The following GRID2 variants were observed in gnomAD, a reference collection of about 807,000 sequenced individuals.
The protein encoded by GRID2 is glutamate ionotropic receptor delta type subunit 2.
GRID2 carries 33 observed loss-of-function variants against 114.8 expected under a neutral mutation model. The observed-to-expected ratio is 0.29, with a 90% CI of 0.22 to 0.38. The LOEUF (loss-of-function observed/expected upper bound fraction) is 0.38, where lower values mean the gene tolerates loss of function less well. Ranked by LOEUF, GRID2 falls within the 10% of genes least tolerant of loss-of-function variation. The pLI is 1.00. For synonymous variants in GRID2, 505 were observed against 449.9 expected (o/e 1.12, Z -1.55); for missense variants, 1,184 against 1,257.7 (o/e 0.94, Z 0.89).
chr4:93,066,558 A>C (rs1349012712), intron 2 of GRID2, among the ~76,000 whole-genome samples: 1 of 152,012 alleles, frequency 6.6e-6, no homozygotes, highest in East Asian at 1.9e-4. Flanking sequence ...TAGACGACTG[A>C]AACTATAGAT....
At chr4:93,802,391 T>A (rs910806360) in intron 1 of GRID2, among the ~76,000 whole-genome samples, 3 of 151,778 alleles carry the variant, frequency 2.0e-5, no homozygotes, top group African/African-American at 7.3e-5. Context: ...TGTGTGTGTG[T>A]GTGAGTGTGT....
chr4:92,535,384 C>T (rs1399077848), intron 1 of GRID2, among the ~76,000 whole-genome samples: 1 of 152,052 alleles, frequency 6.6e-6, no homozygotes, highest in African/African-American at 2.4e-5. Context: ...ATGATTAATG[C>T]AATCCTTAAA....
chr4:93,246,337 C>T (rs1002990555), intron 8 of GRID2, among the ~76,000 whole-genome samples: 2 of 152,020 alleles, frequency 1.3e-5, no homozygotes, highest in African/African-American at 2.4e-5. Context: ...CCTGTAATCC[C>T]ATCACTTTGG....
chr4:93,021,582 A>T (rs1205754324), intron 2 of GRID2, among the ~76,000 whole-genome samples: 1 of 145,942 alleles, frequency 6.9e-6, no homozygotes, highest in Admixed American at 6.9e-5. Context: ...TATATATTAT[A>T]TAATTTTTAT....
At chr4:93,686,107 T>C (rs1726053600) in intron 14 of GRID2, among the ~76,000 whole-genome samples, 1 of 151,958 alleles carries the variant, frequency 6.6e-6, no homozygotes, top group Non-Finnish European at 1.5e-5. Flanking sequence ...AAAAATGAAC[T>C]CTCTGTCTCT....
intron 13 of GRID2, among the ~76,000 whole-genome samples, chr4:93,537,992 C>T (rs781604526): frequency 6.6e-6 from 1 of 151,642 alleles, no homozygotes; most frequent in Non-Finnish European, 1.5e-5. Flanking sequence ...AATATTTCTG[C>T]AACGTGAAAC....
Position 93,717,970 on chromosome 4 carries a change from A to G in GRID2, c.2361-51240A>G, listed in dbSNP as rs561799297. On this transcript the variant is annotated intron_variant, in intron 14 of 15. Coordinates refer to ENST00000282020, the MANE Select transcript of GRID2 (RefSeq NM_001510.4). ...ATGATGTTGTTAAGATGTAGTACAA[A>G]GTGGGCTGGGTGCGGTGACTTACGC... 2.0e-5 allele frequency among the ~76,000 whole-genome samples: 3 copies of G among 152,288 alleles called. 1 individual carries two copies. Among genetic ancestry groups the G allele is most frequent in the African/African-American group, 7.2e-5 (3 of 41,572 alleles).
In GRID2 at chr4:92,733,806, T is replaced by C. The variant is rs189675702; in HGVS notation, c.244+143520T>C. ...CCTTTAAAACTGGTGTGATTACTGG[T>C]GTAGCTACCACCAAGCCTGAGAATG... On this transcript the variant is annotated intron_variant, in intron 2 of 15. Coordinates refer to ENST00000282020, the MANE Select transcript of GRID2 (RefSeq NM_001510.4). Among the ~76,000 whole-genome samples the C allele has an allele frequency of 4.3e-3, 648 of 152,150 alleles. 4 individuals are homozygous for C. Among genetic ancestry groups the C allele is most frequent in the African/African-American group, 0.015 (603 of 41,500 alleles).
intron 1 of GRID2, among the ~76,000 whole-genome samples, chr4:92,362,723 AT>A (rs1728675943): frequency 6.6e-6 from 1 of 152,082 alleles, no homozygotes; most frequent in Non-Finnish European, 1.5e-5. Context: ...GAAGTTTTAA[AT>A]CAAAACAAGA....
At chr4:93,364,040 A>G (rs936824172) in intron 8 of GRID2, among the ~76,000 whole-genome samples, 1 of 152,044 alleles carries the variant, frequency 6.6e-6, no homozygotes, top group Non-Finnish European at 1.5e-5. Context: ...TGTTGTATTC[A>G]TTGTAGTTTG....
chr4:92,931,279 A>G (rs1205546302), intron 2 of GRID2, among the ~76,000 whole-genome samples: 1 of 151,018 alleles, frequency 6.6e-6, no homozygotes, highest in Non-Finnish European at 1.5e-5. Flanking sequence ...AAAGCCTGAC[A>G]TGACACTCAT....
intron 2 of GRID2, among the ~76,000 whole-genome samples, chr4:92,649,308 TGAGAA>T (rs1485305827): frequency 1.3e-5 from 2 of 149,684 alleles, no homozygotes; most frequent in African/African-American, 4.9e-5. Flanking sequence ...TTTGAAGGCT[TGAGAA>T]CCAGACGAGG....
intron 2 of GRID2, among the ~76,000 whole-genome samples, chr4:92,656,165 AAGGGTTTCCTT>A (rs2149265606): frequency 6.6e-6 from 1 of 151,872 alleles, no homozygotes; most frequent in Admixed American, 6.6e-5. Flanking sequence ...AAGAGTATAC[AAGGGTTTCCTT>A]ATCTGTACAT....
chr4:92,314,336 C>T (rs1391581715), intron 1 of GRID2, among the ~76,000 whole-genome samples: 3 of 152,068 alleles, frequency 2.0e-5, no homozygotes, highest in Non-Finnish European at 2.9e-5. Context: ...TCCAGGAACA[C>T]ACAATATTTC....
At chr4:92,958,869 T>A (rs998381469) in intron 2 of GRID2, among the ~76,000 whole-genome samples, 1 of 152,006 alleles carries the variant, frequency 6.6e-6, no homozygotes, top group African/African-American at 2.4e-5. Flanking sequence ...CTATTCAGAT[T>A]GCCATTTCTT....
At chr4:92,597,435 T>G (rs1270899102) in intron 2 of GRID2, among the ~76,000 whole-genome samples, 2 of 152,192 alleles carry the variant, frequency 1.3e-5, no homozygotes, top group African/African-American at 4.8e-5. Context: ...ATCATAATTT[T>G]ATAGCCTTTG....
chr4:92,956,731 C>T (rs1317578753), intron 2 of GRID2, among the ~76,000 whole-genome samples: 4 of 152,134 alleles, frequency 2.6e-5, no homozygotes, highest in Non-Finnish European at 5.9e-5. Flanking sequence ...TAAGAAGCTG[C>T]CTGTTTTTCA....
At chr4:93,047,440 G>A (rs1726256955) in intron 2 of GRID2, among the ~76,000 whole-genome samples, 1 of 152,030 alleles carries the variant, frequency 6.6e-6, no homozygotes, top group African/African-American at 2.4e-5. Context: ...TTTTTCTACT[G>A]TCCTCTTGAT....
chr4:92,650,056 C>G (rs1227123607), intron 2 of GRID2, among the ~76,000 whole-genome samples: 1 of 151,884 alleles, frequency 6.6e-6, no homozygotes, highest in Non-Finnish European at 1.5e-5. Context: ...CCATCATAAG[C>G]TGGGGACTGT....
Sources: allele counts gnomAD v4.1 joint callset (sites outside exome capture counted in the v4.1 genomes callset), GRCh38; gene constraint gnomAD v4.1.1; transcripts MANE v1.5; gene names NCBI Gene and HGNC (gene_info 2026-07-23, HGNC 2026-07-21).